Variants in ZC3H7A observed in about 807,000 individuals in gnomAD.
The protein encoded by ZC3H7A is zinc finger CCCH-type containing 7A.
Under a neutral mutation model 125.5 loss-of-function variants are expected in ZC3H7A, and 44 were observed. The observed-to-expected ratio is 0.35, with a 90% CI of 0.28 to 0.45. ZC3H7A has a LOEUF of 0.45. Ranked by LOEUF, ZC3H7A falls within the 20% of genes least tolerant of loss-of-function variation. ZC3H7A has a pLI of 1.00. For synonymous variants in ZC3H7A, 399 were observed against 391.2 expected (o/e 1.02, Z -0.23); for missense variants, 977 against 1,170.7 (o/e 0.83, Z 2.41).
rs765578987 is a variant in ZC3H7A, at chr16:11,762,055, A to G, written c.2080-12T>C. 1 of 1,570,256 alleles carries G rather than the reference A, an allele frequency of 6.4e-7. No homozygotes were observed. Among genetic ancestry groups the G allele is most frequent in the East Asian group, 2.3e-5 (1 of 44,102 alleles). On this transcript the variant is annotated splice_polypyrimidine_tract_variant and intron_variant, in intron 17 of 22. Transcript: ENST00000355758. ...TGATTACCAAGTACCTTAAACAATT[A>G]AAAGATTCGTTTTAATTTTTTTAAC...
chr16:11,762,025 T>C lies in ZC3H7A; in HGVS notation c.2098A>G (p.Met700Val), dbSNP rs1213940712. Residue 700 changes from methionine (M) to valine (V), a missense_variant, in exon 18 of 23, where the codon ATG becomes GTG. This residue lies in a region of ZC3H7A where 436 missense variants were observed against 603.2 expected (regional missense o/e 0.72). Transcript: ENST00000355758. ...ATCTTCATATTAAGAAATCCAGGCATTATTTGATTACCAAGTACCTTAAAC... is the reference window on the plus strand; with the variant it reads ...ATCTTCATATTAAGAAATCCAGGCACTATTTGATTACCAAGTACCTTAAAC... ...PGAQVLGNQI[M>V]PGFLNMKIKF... 6.2e-7 allele frequency: 1 copy of C among 1,610,170 alleles called. No individual in the cohort carries two copies. The highest frequency in any genetic ancestry group is 2.2e-5 in the East Asian group (1 of 44,796).
chr16:11,781,157 C>A (rs889687128), intron 3 of ZC3H7A, among the ~76,000 whole-genome samples: 3 of 152,078 alleles, frequency 2.0e-5, no homozygotes, highest in Admixed American at 6.6e-5. Context: ...AATGCCCAGA[C>A]AGTACATGTT....
chr16:11,772,513 G>A (rs1427125147), intron 9 of ZC3H7A, among the ~76,000 whole-genome samples: 3 of 151,724 alleles, frequency 2.0e-5, no homozygotes, highest in Non-Finnish European at 2.9e-5. Flanking sequence ...GATGCACTAT[G>A]ATGAAGTAAC....
intron 10 of ZC3H7A, among the ~76,000 whole-genome samples, chr16:11,769,674 G>A (rs974406721): frequency 2.7e-5 from 3 of 111,678 alleles, no homozygotes; most frequent in African/African-American, 1.1e-4. Context: ...TTTCGCCACT[G>A]CTTTCCAGCC....
rs2053045498 is a variant in ZC3H7A at position 11,774,424 on chromosome 16, C to A, written c.715G>T (p.Val239Phe). 3 of 1,611,684 alleles carry A rather than the reference C, an allele frequency of 1.9e-6. No homozygotes were observed. The African/African-American group carries it at 4.0e-5, about 22-fold the overall frequency. ...GGCAAAATAGAAGTTAAGGGCATAA[C>A]AGGAACTGAGGCCAGCTCACTTCCA... ...EVGSELASVP[V>F]MPLTSILPLQ... Residue 239 changes from valine (V) to phenylalanine (F), a missense_variant, in exon 9 of 23, where the codon GTT becomes TTT. Coordinates refer to ENST00000355758, the MANE Select transcript of ZC3H7A (RefSeq NM_014153.4).
chr16:11,763,555 C>A lies in ZC3H7A; in HGVS notation c.1925G>T (p.Gly642Val). 2.5e-6 allele frequency: 4 copies of A among 1,611,614 alleles called. No individual in the cohort carries two copies. The highest frequency in any genetic ancestry group is 3.4e-6 in the Non-Finnish European group (4 of 1,178,790). The change falls in exon 16 of 23, where the codon GGC (glycine) becomes GTC (valine). Residue 642 changes from glycine to valine, a missense_variant. Physicochemically the swap from Gly to Val is moderately radical, Grantham distance 109. Around this residue, in one of 3 missense-constraint regions of ZC3H7A, gnomAD observed 436 missense variants for 603.2 expected, o/e 0.72. Transcript: ENST00000355758. ...LDLCRHEVRY[G>V]CLREDECFYA... ...AAAGCACTCATCTTCCCTTAAACAGCCATACCGAACTTCATGTCGACATAA... is the reference window on the plus strand; with the variant it reads ...AAAGCACTCATCTTCCCTTAAACAGACATACCGAACTTCATGTCGACATAA...
chr16:11,787,067 G>C (rs1351746467), intron 1 of ZC3H7A, among the ~76,000 whole-genome samples: 1 of 152,126 alleles, frequency 6.6e-6, no homozygotes, highest in Non-Finnish European at 1.5e-5. Flanking sequence ...TCAGCACCTT[G>C]GGAGGCCAAG....
chr16:11,768,291 T>C, intron 12 of ZC3H7A, 24 bp downstream of exon 12: 1 of 1,438,360 alleles, frequency 7.0e-7, no homozygotes. Flanking sequence ...TTTAATACTC[T>C]CTGCGTGTTT....
chr16:11,765,716 A>T lies in ZC3H7A; in HGVS notation c.1523-31T>A, dbSNP rs370261465. ...AAGACAGGGAATGGACAGACATTGA[A>T]AACATGGCAATTGGCCTGTACTCCC... On this transcript the variant is annotated intron_variant, in intron 13 of 22. Transcript: ENST00000355758. The surrounding 1 kb of genome is among the most constrained non-coding windows in gnomAD (Gnocchi z 4.8). 3 of 1,594,838 alleles carry T rather than the reference A, an allele frequency of 1.9e-6. No homozygotes were observed. The highest frequency in any genetic ancestry group is 2.3e-5 in the East Asian group (1 of 44,072).
At chr16:11,771,379 C>T (rs2052978461) in intron 9 of ZC3H7A, among the ~76,000 whole-genome samples, 1 of 151,034 alleles carries the variant, frequency 6.6e-6, no homozygotes, top group African/African-American at 2.5e-5. Flanking sequence ...CAGAGCAAGA[C>T]TCCATCTCCA....
chr16:11,760,836 T>C (rs1406945833), intron 19 of ZC3H7A, among the ~76,000 whole-genome samples: 1 of 152,254 alleles, frequency 6.6e-6, no homozygotes, highest in African/African-American at 2.4e-5. Context: ...CAAGATGAAA[T>C]GTGGCACTGT....
At chr16:11,791,470 C>G (rs76600043) in intron 1 of ZC3H7A, among the ~76,000 whole-genome samples, 4,758 of 152,192 alleles carry the variant, frequency 0.031, 245 homozygotes, top group African/African-American at 0.11. Context: ...GCTGCCTCAC[C>G]CCAGTCTCAC....
intron 20 of ZC3H7A, among the ~76,000 whole-genome samples, chr16:11,757,314 C>A (rs2052666459): frequency 6.6e-6 from 1 of 151,724 alleles, no homozygotes; most frequent in African/African-American, 2.4e-5. Context: ...GAAACCCCGG[C>A]TCTACTAAAA....
Position 11,779,147 on chromosome 16 carries a change from T to C in ZC3H7A, c.306+19A>G. 1 of 1,557,518 alleles carries C rather than the reference T, an allele frequency of 6.4e-7. No homozygotes were observed. The highest frequency in any genetic ancestry group is 1.4e-5 in the African/African-American group (1 of 72,676). On this transcript the variant is annotated intron_variant, in intron 4 of 22. Coordinates refer to ENST00000355758, the MANE Select transcript of ZC3H7A (RefSeq NM_014153.4). ...ATTCTTTTCACTCTAGAAACATCAT[T>C]TTAAAAATTACAACTCACCATATTA...
chr16:11,761,934 T>A lies in ZC3H7A; in HGVS notation c.2189A>T (p.Tyr730Phe), dbSNP rs755985060. 1.2e-6 allele frequency: 2 copies of A among 1,613,044 alleles called. No homozygotes were observed. The highest frequency in any genetic ancestry group is 1.3e-5 in the African/African-American group (1 of 74,914). The part of the protein sequence containing the change: ...QVIEPDKNRK[Y>F]CSAKARHSWT... ...CGAATGCCTTGCTTTTGCACTACAA[T>A]ATTTTCTGTTTTTGTCTGGTTCAAT... The change falls in exon 18 of 23, where the codon TAT becomes TTT. Residue 730 changes from tyrosine (Y) to phenylalanine (F), a missense_variant. Physicochemically the swap from Tyr to Phe is conservative, Grantham distance 22 (BLOSUM62 3). Coordinates refer to ENST00000355758, the MANE Select transcript of ZC3H7A (RefSeq NM_014153.4).
chr16:11,764,209 T>C (rs1395153375), intron 15 of ZC3H7A, among the ~76,000 whole-genome samples: 1 of 152,102 alleles, frequency 6.6e-6, no homozygotes, highest in Non-Finnish European at 1.5e-5. Flanking sequence ...GGTCAAGAGT[T>C]CGAAACCAGC....
intron 16 of ZC3H7A, 71 bp from the exon 17 acceptor site, chr16:11,762,818 A>G (rs1596381728): frequency 1.0e-5 from 15 of 1,452,788 alleles, no homozygotes; most frequent in Admixed American, 1.7e-5. Context: ...GGGTGCAGTC[A>G]GACGTGGAGA....
intron 20 of ZC3H7A, among the ~76,000 whole-genome samples, chr16:11,757,482 TCAAAAAAAAAAA>T (rs2052671308): frequency 2.0e-5 from 1 of 51,266 alleles, no homozygotes; most frequent in African/African-American, 9.8e-5. Flanking sequence ...AGACTCTGTC[TCAAAAAAAAAAA>T]AAAAAAAAAA....
intron 10 of ZC3H7A, among the ~76,000 whole-genome samples, chr16:11,770,210 G>A (rs1394849648): frequency 6.6e-6 from 1 of 151,914 alleles, no homozygotes; most frequent in Non-Finnish European, 1.5e-5. Flanking sequence ...TTTTAGCCAC[G>A]TAACAATGCC....
Sources: gnomAD v4.1 joint callset for allele counts (sites outside exome capture counted in the v4.1 genomes callset) on GRCh38, gnomAD v4.1.1 for gene constraint, gnomAD v4.1.1 regional missense constraint, Gnocchi (gnomAD v3.1) non-coding constraint, MANE v1.5 for transcripts, NCBI Gene and HGNC (gene_info 2026-07-23, HGNC 2026-07-21) for gene names.